Variants in USP38 observed in about 807,000 individuals in gnomAD.
USP38 encodes the protein ubiquitin specific peptidase 38.
Under a neutral mutation model 94.3 loss-of-function variants are expected in USP38, and 49 were observed. The observed-to-expected ratio is 0.52, with a 90% CI of 0.41 to 0.66. The LOEUF is 0.66. USP38 is among the 30% of genes least tolerant of loss of function. The pLI, the probability that USP38 is intolerant of heterozygous loss-of-function variation, is 0.00. For missense variants in USP38, 1,128 were observed against 1,229.4 expected (o/e 0.92, Z 1.23); for synonymous variants, 468 against 463.6 (o/e 1.01, Z -0.12).
Position 143,196,332 on chromosome 4 carries a change from A to T in USP38, c.948+487A>T, listed in dbSNP as rs144194357. 3.6e-3 allele frequency among the ~76,000 whole-genome samples: 546 copies of T among 152,230 alleles called. 5 individuals are homozygous for T. Among genetic ancestry groups the T allele is most frequent in the African/African-American group, 0.012 (509 of 41,540 alleles). ...AAAAAAAGTATAAGTAATTAAAATA[A>T]TTTTTTCATTTTCAAATATCCAATA... On this transcript the variant is annotated intron_variant, in intron 3 of 9. Transcript: ENST00000307017.
rs1230542977 is a variant in USP38 at position 143,195,816 on chromosome 4, A to G, written c.919A>G (p.Ile307Val). ...AGCTGTCCAGAAGTTTACTATTTTG[A>G]TAGATGTTACTTTGCTGAAAATAGA... ...LAAVQKFTIL[I>V]DVTLLKIELV... Residue 307 changes from isoleucine to valine, a missense_variant, in exon 3 of 10, where the codon ATA becomes GTA. By Grantham distance (29) the Ile-to-Val change is conservative. Transcript: ENST00000307017. 7 of 1,613,246 alleles carry G rather than the reference A, an allele frequency of 4.3e-6. No homozygotes were observed. Among genetic ancestry groups the G allele is most frequent in the South Asian group, 1.1e-5 (1 of 90,952 alleles).
At chr4:143,190,640 T>C (rs1366891628) in intron 2 of USP38, among the ~76,000 whole-genome samples, 1 of 152,154 alleles carries the variant, frequency 6.6e-6, no homozygotes, top group East Asian at 1.9e-4. Flanking sequence ...TTTCATTCCC[T>C]TTGATTAACA....
At chr4:143,189,917 CTATT>C (rs1268805139) in intron 2 of USP38, among the ~76,000 whole-genome samples, 5 of 151,940 alleles carry the variant, frequency 3.3e-5, no homozygotes, top group Admixed American at 6.6e-5. Context: ...CTTTCTGTAT[CTATT>C]CTTTTTATTT....
intron 7 of USP38, 93 bp from the exon 8 acceptor site, chr4:143,212,222 AAAT>A: frequency 1.0e-6 from 1 of 954,614 alleles, no homozygotes; most frequent in East Asian, 2.9e-5. Flanking sequence ...TGTTAACTGT[AAAT>A]AACCTTTATT....
chr4:143,221,714 A>G lies in USP38; in HGVS notation c.*1258A>G, dbSNP rs962420103. ...TCCCCCTTCCTAAAGGTTTTAACTT[A>G]TCCACAGTTGTGCATTGTTCTGAAG... On this transcript the variant is annotated 3_prime_UTR_variant, in exon 10 of 10. Transcript: ENST00000307017. 7 of 152,112 alleles carry G rather than the reference A, an allele frequency of 4.6e-5. No individual in the cohort carries two copies. Among genetic ancestry groups the G allele is most frequent in the Admixed American group, 4.6e-4 (7 of 15,240 alleles). The allele number at this position is 152,112 out of a possible 1,614,324, so 9.4% of individuals were successfully genotyped here.
intron 1 of USP38, 141 bp from the exon 2 acceptor site, chr4:143,187,685 C>T: frequency 1.3e-6 from 1 of 797,936 alleles, no homozygotes; most frequent in Admixed American, 3.3e-5. Flanking sequence ...AATTAAGAGT[C>T]TACCCATGAG....
In USP38 at chr4:143,222,452, T is replaced by C. The variant is rs1301427481; in HGVS notation, c.*1996T>C. The C allele has an allele frequency of 6.6e-6, 1 of 152,066 alleles. No homozygotes were observed. Among genetic ancestry groups the C allele is most frequent in the Non-Finnish European group, 1.5e-5 (1 of 67,966 alleles). 9.4% of individuals were successfully genotyped at this position (152,066 alleles called of 1,614,324 possible). A position where few individuals can be genotyped will look rare whatever the true frequency, so the allele number is the denominator to read the frequency against. ...TTAATCTCCAGATGATTAGATATGA[T>C]TGCATAGCACTTACGTTGTGCTATG... is the stretch of plus-strand genomic sequence containing the variant. On this transcript the variant is annotated 3_prime_UTR_variant, in exon 10 of 10. Transcript: ENST00000307017.
chr4:143,220,162 C>T, intron 9 of USP38, 133 bp from the exon 10 acceptor site: 1 of 994,616 alleles, frequency 1.0e-6, no homozygotes, highest in Non-Finnish European at 1.3e-6. Context: ...TTCTTAGGTG[C>T]TTTAGTTTCA....
chr4:143,195,833 G>A lies in USP38; in HGVS notation c.936G>A (p.Leu312=). ...KFTILIDVTL[L]KIELVFNRLW... ...CTATTTTGATAGATGTTACTTTGCT[G>A]AAAATAGAACTGGTAAGTGGGAGTA... The change falls in exon 3 of 10, where the codon CTG becomes CTA. Residue 312 remains leucine (L), a synonymous_variant. Transcript: ENST00000307017. The A allele has an allele frequency of 1.2e-6, 2 of 1,611,996 alleles. No individual in the cohort carries two copies. The highest frequency in any genetic ancestry group is 1.1e-5 in the South Asian group (1 of 90,650).
chr4:143,203,665 A>G, intron 5 of USP38, 99 bp downstream of exon 5: 4 of 1,271,998 alleles, frequency 3.1e-6, no homozygotes, highest in South Asian at 3.1e-5. Flanking sequence ...TTATGGTAAT[A>G]TGCTTTTTAT....
intron 2 of USP38, among the ~76,000 whole-genome samples, chr4:143,189,796 A>G (rs1012924813): frequency 5.3e-5 from 8 of 151,864 alleles, no homozygotes; most frequent in Non-Finnish European, 5.9e-5. Flanking sequence ...TTTAATTTTG[A>G]TGATCCCCTT....
At chr4:143,186,163 T>C in intron 1 of USP38, 31 bp downstream of exon 1, 1 of 1,595,518 alleles carries the variant, frequency 6.3e-7, no homozygotes, top group Non-Finnish European at 8.6e-7. Context: ...GAATATCTCA[T>C]AAAAAATCAG....
chr4:143,220,329 A>C lies in USP38; in HGVS notation c.3002A>C (p.Gln1001Pro), dbSNP rs754267400. The C allele has an allele frequency of 1.2e-6, 2 of 1,613,090 alleles. No individual in the cohort carries two copies. The highest frequency in any genetic ancestry group is 8.5e-7 in the Non-Finnish European group (1 of 1,179,510). The change falls in exon 10 of 10, where the codon CAA becomes CCA. Residue 1001 changes from glutamine (Q) to proline (P), a missense_variant. Transcript: ENST00000307017. Reference sequence around the variant, plus strand: ...TTGAATGCTCGAGCCCGGGCCCTCCAAGCTGCATCTGCTTCATGTTCATTT... The same window carrying C: ...TTGAATGCTCGAGCCCGGGCCCTCCCAGCTGCATCTGCTTCATGTTCATTT... ...QELNARARAL[Q>P]AASASCSFRP...
chr4:143,194,569 G>A (rs1467744652), intron 2 of USP38, among the ~76,000 whole-genome samples: 6 of 151,908 alleles, frequency 3.9e-5, no homozygotes, highest in Admixed American at 2.0e-4. Context: ...GTGCAGTGGC[G>A]TGATCTCGGC....
chr4:143,219,535 A>G (rs529224636), intron 9 of USP38, among the ~76,000 whole-genome samples: 10 of 152,286 alleles, frequency 6.6e-5, no homozygotes, highest in African/African-American at 2.2e-4. Flanking sequence ...AAGTTCAGGT[A>G]TGCTGTGACC....
At chr4:143,198,118 A>T (rs1731607216) in intron 4 of USP38, among the ~76,000 whole-genome samples, 194 bp downstream of exon 4, 1 of 152,194 alleles carries the variant, frequency 6.6e-6, no homozygotes, top group Non-Finnish European at 1.5e-5. Flanking sequence ...GTCTCATTCA[A>T]ACTACTCCAC....
In USP38 at chr4:143,185,781, C is replaced by T. The variant is rs182716367; in HGVS notation, c.331C>T (p.Leu111=). 1.4e-5 allele frequency: 23 copies of T among 1,614,216 alleles called. No homozygotes were observed. The East Asian group carries it at 4.5e-4, about 31-fold the overall frequency. The part of the protein sequence containing the change: ...VAILDYIHNG[L]KLIMSCPSVL... ...CATCCTGGACTACATTCACAACGGC[C>T]TGAAGCTGATTATGAGCTGTCCGTC... Residue 111 remains leucine, a synonymous_variant, in exon 1 of 10, where the codon CTG becomes TTG. Transcript: ENST00000307017.
Position 143,186,021 on chromosome 4 carries a change from T to C in USP38, c.571T>C (p.Tyr191His). The change falls in exon 1 of 10, where the codon TAT becomes CAT. Residue 191 changes from tyrosine to histidine, a missense_variant. Physicochemically the swap from Tyr to His is moderately conservative, Grantham distance 83. Coordinates refer to ENST00000307017, the MANE Select transcript of USP38 (RefSeq NM_032557.6). ...CACCCAGGAAAGAGAGCTGCGGGAA[T>C]ATGTCTCCCAGGTGACAAAAGTGAG... is the stretch of plus-strand genomic sequence containing the variant. Reference protein sequence around the residue: ...VSTQERELREYVSQVTKVSNL... With the variant: ...VSTQERELREHVSQVTKVSNL... 1 of 1,614,220 alleles carries C rather than the reference T, an allele frequency of 6.2e-7. No homozygotes were observed. The highest frequency in any genetic ancestry group is 1.1e-5 in the South Asian group (1 of 91,086).
chr4:143,193,720 A>T (rs1000542209), intron 2 of USP38, among the ~76,000 whole-genome samples: 2 of 152,256 alleles, frequency 1.3e-5, no homozygotes. Context: ...AAACCTTAAT[A>T]AAAAACATTC....
Sources: gnomAD v4.1 joint callset for allele counts (sites outside exome capture counted in the v4.1 genomes callset) on GRCh38, gnomAD v4.1.1 for gene constraint, MANE v1.5 for transcripts, NCBI Gene and HGNC (gene_info 2026-07-23, HGNC 2026-07-21) for gene names.